Variants in TGFBR3 observed in about 807,000 individuals in gnomAD.
TGFBR3 encodes the protein transforming growth factor beta receptor 3, also known as transforming growth factor beta receptor type 3.
TGFBR3 carries 46 observed loss-of-function variants against 87.9 expected under a neutral mutation model. The ratio of observed to expected loss-of-function variants is 0.52; its 90% CI spans 0.41 to 0.67. TGFBR3 has a LOEUF of 0.67. TGFBR3 is among the 30% of genes least tolerant of loss of function. TGFBR3 has a pLI of 0.00. For missense variants in TGFBR3, 866 were observed against 1,041.9 expected (o/e 0.83, Z 2.32); for synonymous variants, 381 against 391.6 (o/e 0.97, Z 0.32).
intron 12 of TGFBR3, among the ~76,000 whole-genome samples, chr1:91,712,965 A>G (rs1672035075): frequency 6.6e-6 from 1 of 152,242 alleles, no homozygotes; most frequent in Admixed American, 6.5e-5. Flanking sequence ...AAGACTGACC[A>G]AAAAATAGAG....
chr1:91,812,072 T>G (rs1231235102), intron 2 of TGFBR3, among the ~76,000 whole-genome samples: 1 of 152,166 alleles, frequency 6.6e-6, no homozygotes, highest in Non-Finnish European at 1.5e-5. Flanking sequence ...CTCACCTTTC[T>G]CCCATGGAGA....
chr1:91,691,537 T>C (rs1195766842), intron 16 of TGFBR3, among the ~76,000 whole-genome samples: 2 of 152,230 alleles, frequency 1.3e-5, no homozygotes, highest in African/African-American at 2.4e-5. Flanking sequence ...GTCTACCAGG[T>C]GTTTCTGTTA....
intron 3 of TGFBR3, among the ~76,000 whole-genome samples, chr1:91,786,423 TAAA>T (rs2100979583): frequency 6.6e-6 from 1 of 152,174 alleles, no homozygotes; most frequent in Non-Finnish European, 1.5e-5. Context: ...GAAATGTCAA[TAAA>T]ATGTGGTGAT....
Position 91,682,835 on chromosome 1 carries a change from T to C in TGFBR3, c.*904A>G. On this transcript the variant is annotated 3_prime_UTR_variant, in exon 17 of 17. Coordinates refer to ENST00000212355, the MANE Select transcript of TGFBR3 (RefSeq NM_003243.5). ...AATGAATGTGCCAGGTGACATATTATATACTTGTACTTGCATACACATAGA... is the reference window on the plus strand; with the variant it reads ...AATGAATGTGCCAGGTGACATATTACATACTTGTACTTGCATACACATAGA... 2.2e-6 allele frequency: 1 copy of C among 453,804 alleles called. No individual in the cohort carries two copies. Among genetic ancestry groups the C allele is most frequent in the Non-Finnish European group, 4.4e-6 (1 of 226,474 alleles). 28.1% of individuals were successfully genotyped at this position (453,804 alleles called of 1,614,324 possible). A position where few individuals can be genotyped will look rare whatever the true frequency, so the allele number is the denominator to read the frequency against.
At chr1:91,879,860 A>G (rs867591211) in intron 1 of TGFBR3, among the ~76,000 whole-genome samples, 1 of 152,214 alleles carries the variant, frequency 6.6e-6, no homozygotes, top group Non-Finnish European at 1.5e-5. Flanking sequence ...TTATATTTCT[A>G]TATTTCCTGG....
intron 2 of TGFBR3, among the ~76,000 whole-genome samples, chr1:91,814,593 G>C (rs1037732437): frequency 2.0e-5 from 3 of 151,630 alleles, no homozygotes; most frequent in African/African-American, 7.3e-5. Flanking sequence ...TCAACACCAG[G>C]GACAAATTAA....
chr1:91,711,479 G>T (rs1003993760), intron 13 of TGFBR3, among the ~76,000 whole-genome samples: 1 of 152,160 alleles, frequency 6.6e-6, no homozygotes, highest in African/African-American at 2.4e-5. Context: ...TAGCCTTTTA[G>T]ACATTGATAT....
intron 3 of TGFBR3, among the ~76,000 whole-genome samples, chr1:91,760,366 A>C (rs1251518843): frequency 4.6e-5 from 7 of 152,214 alleles, no homozygotes. Flanking sequence ...CAGTGAGCCC[A>C]GATCGTGCCA....
intron 14 of TGFBR3, among the ~76,000 whole-genome samples, chr1:91,700,997 C>T (rs1044999506): frequency 4.6e-5 from 7 of 152,260 alleles, no homozygotes; most frequent in African/African-American, 1.7e-4. Flanking sequence ...ATCCAATCAA[C>T]CACCCATGGT....
intron 4 of TGFBR3, among the ~76,000 whole-genome samples, chr1:91,751,270 A>T (rs550872762): frequency 7.7e-4 from 117 of 152,186 alleles, no homozygotes; most frequent in Middle Eastern, 3.4e-3. Flanking sequence ...AATTTTTTTT[A>T]AAAAAAGTTC....
rs199509810 is a variant in TGFBR3, at chr1:91,696,834, A to AT, written c.2330-1056dup. ...AACTCACTTCAGTGTAAAGAAAGCT[A>AT]TTTTTTTTTTACATTGAAGACTGCC... On this transcript the variant is annotated intron_variant, in intron 15 of 16. Transcript: ENST00000212355. Among the ~76,000 whole-genome samples, 974 of 149,464 alleles carry AT rather than the reference A, an allele frequency of 6.5e-3. 7 individuals carry two copies. Among genetic ancestry groups the AT allele is most frequent in the Non-Finnish European group, 8.0e-3 (539 of 67,160 alleles).
intron 16 of TGFBR3, among the ~76,000 whole-genome samples, chr1:91,694,434 C>T (rs1464756326): frequency 6.6e-6 from 1 of 152,242 alleles, no homozygotes; most frequent in Non-Finnish European, 1.5e-5. Context: ...AGAGTCCATT[C>T]CTCTCCTTCT....
chr1:91,872,444 A>C (rs778823469), intron 1 of TGFBR3, among the ~76,000 whole-genome samples: 4 of 152,216 alleles, frequency 2.6e-5, no homozygotes, highest in Non-Finnish European at 4.4e-5. Context: ...ATGGTAATTT[A>C]ATTTTAAAGA....
chr1:91,774,589 C>T lies in TGFBR3; in HGVS notation c.247-15839G>A, dbSNP rs141341771. 1.4e-3 allele frequency among the ~76,000 whole-genome samples: 211 copies of T among 152,156 alleles called. 5 individuals carry two copies. The South Asian group carries it at 0.037, about 27-fold the overall frequency. ...ATCCCACTGTCAGGTTCTCAAATGC[C>T]GTTTTGATGGGATAAATCCTCCTCA... is the stretch of plus-strand genomic sequence containing the variant. On this transcript the variant is annotated intron_variant, in intron 3 of 16. Transcript: ENST00000212355.
chr1:91,771,562 C>T (rs1287846795), intron 3 of TGFBR3, among the ~76,000 whole-genome samples: 1 of 151,730 alleles, frequency 6.6e-6, no homozygotes, highest in Non-Finnish European at 1.5e-5. Context: ...AAAAATTAGC[C>T]GGGCGTGGTG....
chr1:91,877,830 C>T (rs1352882925), intron 1 of TGFBR3, among the ~76,000 whole-genome samples: 3 of 152,028 alleles, frequency 2.0e-5, no homozygotes, highest in Admixed American at 6.6e-5. Flanking sequence ...TTTCAGGATT[C>T]AGATGATTTA....
intron 1 of TGFBR3, among the ~76,000 whole-genome samples, chr1:91,904,563 A>AT (rs111512659): frequency 0.39 from 44,562 of 115,022 alleles, 9,639 homozygotes; most frequent in Middle Eastern, 0.47. Flanking sequence ...CATGCAGCTG[A>AT]TTTTTTTTTT....
upstream of TGFBR3, among the ~76,000 whole-genome samples, chr1:91,890,415 T>TTTTTTC (rs1264419190): frequency 5.6e-5 from 7 of 125,272 alleles, no homozygotes. Flanking sequence ...TAATCTTTTT[T>TTTTTTC]TTTTTTTTTT....
intron 4 of TGFBR3, 108 bp from the exon 5 acceptor site, chr1:91,735,067 C>T: frequency 3.1e-6 from 4 of 1,291,532 alleles, no homozygotes; most frequent in Non-Finnish European, 4.4e-6. Context: ...AACCTCTTCC[C>T]TTTGTTATAC....
Sources: allele counts gnomAD v4.1 joint callset (sites outside exome capture counted in the v4.1 genomes callset), GRCh38; gene constraint gnomAD v4.1.1; transcripts MANE v1.5; gene names NCBI Gene and HGNC (gene_info 2026-07-23, HGNC 2026-07-21).